UNC5D: variants seen among roughly 807,000 people sequenced by gnomAD.
UNC5D encodes netrin receptor UNC5D.
In UNC5D, 39 loss-of-function variants were observed where a neutral mutation model predicts 105.4. The ratio of observed to expected loss-of-function variants is 0.37; its 90% CI spans 0.29 to 0.48. UNC5D has a LOEUF of 0.48. UNC5D is among the 20% of genes least tolerant of loss of function. The pLI is 0.98. For synonymous variants in UNC5D, 452 were observed against 450.4 expected (o/e 1.00, Z -0.04); for missense variants, 991 against 1,202.4 (o/e 0.82, Z 2.60).
At chr8:35,761,542 C>T (rs1801535891) in intron 14 of UNC5D, among the ~76,000 whole-genome samples, 1 of 152,184 alleles carries the variant, frequency 6.6e-6, no homozygotes, top group Non-Finnish European at 1.5e-5. Context: ...GGCTGGATTA[C>T]ATGGAAGTTG....
chr8:35,645,960 A>C (rs1823020721), intron 4 of UNC5D, among the ~76,000 whole-genome samples: 1 of 152,266 alleles, frequency 6.6e-6, no homozygotes, highest in South Asian at 2.1e-4. Flanking sequence ...AGATTATGCA[A>C]AGGATTCCCA....
intron 1 of UNC5D, among the ~76,000 whole-genome samples, chr8:35,486,605 G>A (rs560768002): frequency 6.6e-6 from 1 of 152,172 alleles, no homozygotes; most frequent in Non-Finnish European, 1.5e-5. Flanking sequence ...TGAGATCAAA[G>A]CCTGTGCTAG....
chr8:35,621,047 A>G (rs367955673), intron 4 of UNC5D, among the ~76,000 whole-genome samples: 1 of 152,138 alleles, frequency 6.6e-6, no homozygotes, highest in East Asian at 1.9e-4. Flanking sequence ...ATTCCATGCT[A>G]GTAGACCCTA....
intron 1 of UNC5D, among the ~76,000 whole-genome samples, chr8:35,369,801 T>A (rs1424263560): frequency 6.6e-6 from 1 of 152,220 alleles, no homozygotes; most frequent in African/African-American, 2.4e-5. Context: ...TCCTGAGCTT[T>A]GCTTTGGTAG....
intron 1 of UNC5D, among the ~76,000 whole-genome samples, chr8:35,495,458 C>CAAAAAAAAAAAAAAAAAAAA (rs71547636): frequency 2.5e-3 from 113 of 44,364 alleles, no homozygotes; most frequent in Middle Eastern, 0.025. Flanking sequence ...ACAACAACAA[C>CAAAAAAAAAAAAAAAAAAAA]AAAAAAAAAA....
At chr8:35,363,539 GGGTTGTATTTA>G (rs1465263492) in intron 1 of UNC5D, among the ~76,000 whole-genome samples, 2 of 152,052 alleles carry the variant, frequency 1.3e-5, no homozygotes, top group Non-Finnish European at 2.9e-5. Flanking sequence ...TATTTCTTCA[GGGTTGTATTTA>G]GATTGTGCAT....
intron 4 of UNC5D, among the ~76,000 whole-genome samples, chr8:35,600,701 C>T (rs1260062491): frequency 6.6e-6 from 1 of 151,922 alleles, no homozygotes; most frequent in Non-Finnish European, 1.5e-5. Flanking sequence ...GGATATTAGC[C>T]CTTTGTCAGA....
chr8:35,252,833 A>C (rs1803803423), intron 1 of UNC5D, among the ~76,000 whole-genome samples: 1 of 152,102 alleles, frequency 6.6e-6, no homozygotes, highest in Admixed American at 6.5e-5. Context: ...ACTGCCAATT[A>C]TTTCAGCAAG....
rs78480955 is a variant in UNC5D, at chr8:35,246,547, G to T, written c.103+10660G>T. 8.6e-3 allele frequency among the ~76,000 whole-genome samples: 1,316 copies of T among 152,220 alleles called. 8 individuals are homozygous for T. Among genetic ancestry groups the T allele is most frequent in the Non-Finnish European group, 0.013 (910 of 68,008 alleles). ...CCATAGCTCACCATTGCTCAGTTGG[G>T]TGTATGGGACCCCTCTTGCTAGATT... On this transcript the variant is annotated intron_variant, in intron 1 of 16. Coordinates refer to ENST00000404895, the MANE Select transcript of UNC5D (RefSeq NM_080872.4).
chr8:35,282,296 T>G (rs1224185895), intron 1 of UNC5D, among the ~76,000 whole-genome samples: 2 of 152,218 alleles, frequency 1.3e-5, no homozygotes, highest in Non-Finnish European at 2.9e-5. Flanking sequence ...TTTCCTTTCT[T>G]TGTACCTGTT....
intron 1 of UNC5D, among the ~76,000 whole-genome samples, chr8:35,290,677 G>A (rs908235770): frequency 5.3e-5 from 8 of 152,126 alleles, no homozygotes; most frequent in East Asian, 1.9e-4. Flanking sequence ...GGCCAGGCGC[G>A]GTGGTTCATG....
intron 4 of UNC5D, among the ~76,000 whole-genome samples, chr8:35,658,248 A>C (rs991986010): frequency 6.6e-6 from 1 of 152,216 alleles, no homozygotes; most frequent in African/African-American, 2.4e-5. Context: ...ATCTTTTAAA[A>C]TCTTAAGTGG....
At chr8:35,346,125 C>T (rs1354658712) in intron 1 of UNC5D, among the ~76,000 whole-genome samples, 1 of 151,966 alleles carries the variant, frequency 6.6e-6, no homozygotes, top group Non-Finnish European at 1.5e-5. Context: ...GGAAAATGAA[C>T]TCTAGCTTTT....
chr8:35,431,157 T>G (rs185189624), intron 1 of UNC5D, among the ~76,000 whole-genome samples: 93 of 152,308 alleles, frequency 6.1e-4, no homozygotes, highest in Middle Eastern at 3.4e-3. Context: ...TGCTTCAGTT[T>G]CCATTTTCAA....
In UNC5D at chr8:35,795,631, G is replaced by C. The variant is rs749466414; in HGVS notation, c.*5068G>C. 2.0e-5 allele frequency: 3 copies of C among 152,118 alleles called. No individual in the cohort carries two copies. The highest frequency in any genetic ancestry group is 4.4e-5 in the Non-Finnish European group (3 of 68,028). The allele number at this position is 152,118 out of a possible 1,614,324, so 9.4% of individuals were successfully genotyped here. A position where few individuals can be genotyped will look rare whatever the true frequency, so the allele number is the denominator to read the frequency against. On this transcript the variant is annotated 3_prime_UTR_variant, in exon 17 of 17. Transcript: ENST00000404895. ...TGAGAGACACAGCACCCTGTGCCAGGTATCAGAAATATAAGCCTCAGCAGA... is the reference window on the plus strand; with the variant it reads ...TGAGAGACACAGCACCCTGTGCCAGCTATCAGAAATATAAGCCTCAGCAGA...
intron 3 of UNC5D, among the ~76,000 whole-genome samples, chr8:35,585,089 ATATC>A (rs1236108690): frequency 1.3e-5 from 2 of 152,176 alleles, no homozygotes; most frequent in African/African-American, 4.8e-5. Context: ...AGGCACAACT[ATATC>A]TATCACCTTG....
chr8:35,360,226 A>G (rs1801786533), intron 1 of UNC5D, among the ~76,000 whole-genome samples: 1 of 152,142 alleles, frequency 6.6e-6, no homozygotes, highest in African/African-American at 2.4e-5. Flanking sequence ...ATATCTCACC[A>G]TGTCCCAACA....
At chr8:35,368,013 T>A (rs941740491) in intron 1 of UNC5D, among the ~76,000 whole-genome samples, 3 of 152,182 alleles carry the variant, frequency 2.0e-5, no homozygotes, top group African/African-American at 7.2e-5. Context: ...CCTTTGTTTT[T>A]AATTAGAAGT....
At chr8:35,265,672 C>T (rs1181151934) in intron 1 of UNC5D, among the ~76,000 whole-genome samples, 2 of 151,914 alleles carry the variant, frequency 1.3e-5, no homozygotes, top group East Asian at 1.9e-4. Flanking sequence ...AGATCGAGAC[C>T]GTCCTAGCTA....
Sources: gnomAD v4.1 joint callset for allele counts (sites outside exome capture counted in the v4.1 genomes callset) on GRCh38, gnomAD v4.1.1 for gene constraint, MANE v1.5 for transcripts, NCBI Gene and HGNC (gene_info 2026-07-23, HGNC 2026-07-21) for gene names.